ERBB3: variants seen among roughly 807,000 people sequenced by gnomAD.
The protein encoded by ERBB3 is receptor tyrosine-protein kinase erbB-3.
In ERBB3, 96 loss-of-function variants were observed where a neutral mutation model predicts 156.7. That is an observed-to-expected ratio of 0.61 (90% CI 0.52 to 0.73). The LOEUF is 0.73. Ranked by LOEUF, ERBB3 falls within the 30% of genes least tolerant of loss-of-function variation. The pLI is 0.00. For missense variants in ERBB3, 1,406 were observed against 1,709.4 expected, an observed-to-expected ratio of 0.82 and a Z score of 3.13; for synonymous variants, 567 against 632.0, an observed-to-expected ratio of 0.90 and a Z score of 1.54.
rs749372152 is a variant in ERBB3 at position 56,087,856 on chromosome 12, G to C, written c.675G>C (p.Gln225His). 1 of 1,614,176 alleles carries C rather than the reference G, an allele frequency of 6.2e-7. No individual in the cohort carries two copies. Among genetic ancestry groups the C allele is most frequent in the South Asian group, 1.1e-5 (1 of 91,082 alleles). ...ACTGCTTTGGGCCCAACCCCAACCA[G>C]TGCTGCCATGATGAGTGTGCCGGGG... Reference protein sequence around the residue: ...NGHCFGPNPNQCCHDECAGGC... With the variant: ...NGHCFGPNPNHCCHDECAGGC... Residue 225 changes from glutamine (Q) to histidine (H), a missense_variant, in exon 6 of 28, where the codon CAG becomes CAC. Transcript: ENST00000267101.
chr12:56,096,952 A>C, intron 19 of ERBB3, 93 bp from the exon 20 acceptor site: 2 of 797,314 alleles, frequency 2.5e-6, no homozygotes, highest in Non-Finnish European at 4.0e-6. Flanking sequence ...GTTAGCCAGA[A>C]TGTTGGGGGT....
rs374124592 is a variant in ERBB3, at chr12:56,096,390, C to T, written c.2056-113C>T. On this transcript the variant is annotated intron_variant, in intron 17 of 27. Coordinates refer to ENST00000267101, the MANE Select transcript of ERBB3 (RefSeq NM_001982.4). ...ATCCATTCCAGGACTAACGGTGCTT[C>T]CTCTTCCTGCCCTTTCAGCTGTGCT... 4.7e-4 allele frequency: 629 copies of T among 1,344,664 alleles called. 3 individuals are homozygous for T. The Middle Eastern group carries it at 9.7e-3, about 21-fold the overall frequency. 83.3% of individuals were successfully genotyped at this position (1,344,664 alleles called of 1,614,324 possible).
rs756656037 is a variant in ERBB3 at position 56,083,842 on chromosome 12, G to A, written c.174G>A (p.Val58=). 3.7e-6 allele frequency: 6 copies of A among 1,613,976 alleles called. No individual in the cohort carries two copies. The highest frequency in any genetic ancestry group is 1.3e-5 in the African/African-American group (1 of 74,888). Reference sequence around the variant, plus strand: ...ACAAGCTCTACGAGAGGTGTGAGGTGGTGATGGGGAACCTTGAGATTGTGC... The same window carrying A: ...ACAAGCTCTACGAGAGGTGTGAGGTAGTGATGGGGAACCTTGAGATTGTGC... ...TLYKLYERCE[V]VMGNLEIVLT... Residue 58 remains valine, a synonymous_variant, in exon 2 of 28, where the codon GTG becomes GTA. Transcript: ENST00000267101.
intron 11 of ERBB3, 59 bp downstream of exon 11, chr12:56,093,135 A>C: frequency 7.4e-7 from 1 of 1,347,956 alleles, no homozygotes; most frequent in Non-Finnish European, 1.1e-6. Flanking sequence ...TGTCATAGGC[A>C]TTCTTTAGTA....
Position 56,094,446 on chromosome 12 carries a change from C to G in ERBB3, c.1749C>G (p.Pro583=). 1 of 1,614,108 alleles carries G rather than the reference C, an allele frequency of 6.2e-7. No homozygotes were observed. The highest frequency in any genetic ancestry group is 8.5e-7 in the Non-Finnish European group (1 of 1,180,020). ...AATGTGCCCATTTTCGAGATGGGCC[C>G]CACTGTGTGAGCAGCTGCCCCCATG... ...CAQCAHFRDG[P]HCVSSCPHGV... Residue 583 remains proline (P), a synonymous_variant, in exon 15 of 28, where the codon CCC becomes CCG. Coordinates refer to ENST00000267101, the MANE Select transcript of ERBB3 (RefSeq NM_001982.4).
At chr12:56,092,691 C>A in intron 9 of ERBB3, 56 bp from the exon 10 acceptor site, 2 of 1,201,764 alleles carry the variant, frequency 1.7e-6, no homozygotes, top group South Asian at 1.2e-5. Context: ...TGGGTGTGCT[C>A]ATTGCCATTG....
intron 15 of ERBB3, 37 bp from the exon 16 acceptor site, chr12:56,095,220 C>A: frequency 1.3e-6 from 2 of 1,538,536 alleles, no homozygotes; most frequent in Non-Finnish European, 1.8e-6. Flanking sequence ...CCTCTGCTGT[C>A]CAAGCTCTCA....
chr12:56,089,891 C>A (rs73340305), intron 9 of ERBB3, among the ~76,000 whole-genome samples: 3,169 of 140,448 alleles, frequency 0.023, 119 homozygotes, highest in African/African-American at 0.078. Flanking sequence ...GTAAAAAAAA[C>A]CCACTATGAC....
Position 56,096,834 on chromosome 12 carries a change from A to C in ERBB3, c.2262A>C (p.Gln754His), listed in dbSNP as rs748319015. 6.2e-7 allele frequency: 1 copy of C among 1,612,474 alleles called. No individual in the cohort carries two copies. The highest frequency in any genetic ancestry group is 8.5e-7 in the Non-Finnish European group (1 of 1,178,552). ...ACAAGAGTGGACGGCAGAGTTTTCA[A>C]GCTGTGACAGATGTAAGTGAAGGAA... ...IEDKSGRQSF[Q>H]AVTDHMLAIG... Residue 754 changes from glutamine to histidine, a missense_variant, in exon 19 of 28, where the codon CAA (glutamine) becomes CAC (histidine). Gln to His is a conservative substitution (Grantham distance 24). Coordinates refer to ENST00000267101, the MANE Select transcript of ERBB3 (RefSeq NM_001982.4).
rs760399408 is a variant in ERBB3, at chr12:56,083,872, G to T, written c.204G>T (p.Thr68=). 9.3e-6 allele frequency: 15 copies of T among 1,613,910 alleles called. No homozygotes were observed. Among genetic ancestry groups the T allele is most frequent in the African/African-American group, 1.3e-5 (1 of 74,874 alleles). The change falls in exon 2 of 28, where the codon ACG becomes ACT. Residue 68 remains threonine (T), a synonymous_variant. Coordinates refer to ENST00000267101, the MANE Select transcript of ERBB3 (RefSeq NM_001982.4). ...TGGGGAACCTTGAGATTGTGCTCAC[G>T]GGACACAATGCCGACCTCTCCTTCC... The part of the protein sequence containing the change: ...VVMGNLEIVL[T]GHNADLSFLQ...
At chr12:56,086,082 A>G (rs1196140654) in intron 3 of ERBB3, among the ~76,000 whole-genome samples, 1 of 151,620 alleles carries the variant, frequency 6.6e-6, no homozygotes, top group African/African-American at 2.4e-5. Flanking sequence ...AAAAAAAAAA[A>G]AAAACCAAAG....
intron 9 of ERBB3, among the ~76,000 whole-genome samples, chr12:56,089,693 C>G (rs1370335147): frequency 6.6e-6 from 1 of 151,282 alleles, no homozygotes; most frequent in African/African-American, 2.4e-5. Context: ...TGCAGTGAAC[C>G]GAGATTACAC....
rs1489207494 is a variant in ERBB3, at chr12:56,091,396, G to GTA, written c.1110-1337_1110-1336dup. Among the ~76,000 whole-genome samples the GTA allele has an allele frequency of 7.3e-3, 271 of 37,306 alleles. 1 individual carries two copies. Among genetic ancestry groups the GTA allele is most frequent in the Non-Finnish European group, 9.8e-3 (204 of 20,890 alleles). 24.5% of individuals were successfully genotyped at this position (37,306 alleles called of 152,430 possible). A position where few individuals can be genotyped will look rare whatever the true frequency, so the allele number is the denominator to read the frequency against. ...TATTTATATATTTATATATGTGTGTGTATATATATATATATTTTTTTTTTT... is the reference window on the plus strand; with the variant it reads ...TATTTATATATTTATATATGTGTGTGTATATATATATATATATTTTTTTTTTT... On this transcript the variant is annotated intron_variant, in intron 9 of 27. Coordinates refer to ENST00000267101, the MANE Select transcript of ERBB3 (RefSeq NM_001982.4).
At chr12:56,087,084 C>G (rs1378030206) in intron 4 of ERBB3, among the ~76,000 whole-genome samples, 1 of 148,476 alleles carries the variant, frequency 6.7e-6, no homozygotes, top group African/African-American at 2.5e-5. Flanking sequence ...CTGCAGTGAG[C>G]TGTGATTGTG....
At chr12:56,096,249 C>T in intron 17 of ERBB3, 1 of 570,836 alleles carries the variant, frequency 1.8e-6, no homozygotes, top group Non-Finnish European at 3.1e-6. Context: ...CCTAGCTGTC[C>T]CCTTCCCCAC....
At chr12:56,088,428 AT>A in intron 7 of ERBB3, 114 bp from the exon 8 acceptor site, 2 of 917,964 alleles carry the variant, frequency 2.2e-6, no homozygotes, top group Non-Finnish European at 3.6e-6. Context: ...AGGGTGGCAG[AT>A]GGGGACAAAT....
At chr12:56,085,788 G>T (rs78856154) in intron 3 of ERBB3, among the ~76,000 whole-genome samples, 1 of 122,856 alleles carries the variant, frequency 8.1e-6, no homozygotes, top group Non-Finnish European at 1.6e-5. Context: ...AAAAAAAAAA[G>T]CCTGGGCGCG....
At chr12:56,096,991 C>CTGAGTGTA in intron 19 of ERBB3, 54 bp from the exon 20 acceptor site, 1 of 1,575,434 alleles carries the variant, frequency 6.3e-7, no homozygotes, top group South Asian at 1.1e-5. Context: ...TGTGCACATG[C>CTGAGTGTA]TGAGTGTATG....
Position 56,080,476 on chromosome 12 carries a change from G to A in ERBB3, c.82+94G>A. ...GGGTATGGGCACGGTCTCAGGCGGC[G>A]CGGGGTTGTGGGTGCTGCCCCCGGT... On this transcript the variant is annotated intron_variant, in intron 1 of 27. Coordinates refer to ENST00000267101, the MANE Select transcript of ERBB3 (RefSeq NM_001982.4). The A allele has an allele frequency of 7.6e-6, 8 of 1,048,736 alleles. No homozygotes were observed. In the South Asian group the frequency reaches 1.0e-4, roughly 13 times the overall value. 65.0% of individuals were successfully genotyped at this position (1,048,736 alleles called of 1,614,324 possible). A position where few individuals can be genotyped will look rare whatever the true frequency, so the allele number is the denominator to read the frequency against.
Sources: allele counts gnomAD v4.1 joint callset (sites outside exome capture counted in the v4.1 genomes callset), GRCh38; gene constraint gnomAD v4.1.1; transcripts MANE v1.5; gene names NCBI Gene and HGNC (gene_info 2026-07-23, HGNC 2026-07-21).